Variants in TTC17 observed in about 807,000 individuals in gnomAD.
TTC17 encodes the protein tetratricopeptide repeat protein 17.
In TTC17, 58 loss-of-function variants were observed where a neutral mutation model predicts 143.8. The observed-to-expected ratio is 0.40, with a 90% confidence interval of 0.33 to 0.50. The LOEUF (loss-of-function observed/expected upper bound fraction) is 0.50, where lower values mean the gene tolerates loss of function less well. TTC17 is among the 20% of genes least tolerant of loss of function. TTC17 has a pLI of 0.49. For synonymous variants in TTC17, 501 were observed against 497.8 expected, an observed-to-expected ratio of 1.01 and a Z score of -0.09; for missense variants, 1,273 against 1,392.5, an observed-to-expected ratio of 0.91 and a Z score of 1.37.
chr11:43,452,871 T>C (rs10732498), intron 21 of TTC17, among the ~76,000 whole-genome samples: 149,483 of 152,170 alleles, frequency 0.98, 73,478 homozygotes, highest in East Asian at 1. Context: ...TGCAGTAAGC[T>C]ATGATCATGC....
At chr11:43,442,925 G>A (rs1947455567) in intron 16 of TTC17, among the ~76,000 whole-genome samples, 1 of 152,148 alleles carries the variant, frequency 6.6e-6, no homozygotes, top group African/African-American at 2.4e-5. Flanking sequence ...TGGACACACA[G>A]CTATGTCCAG....
At chr11:43,481,321 T>A (rs992382007) in intron 21 of TTC17, among the ~76,000 whole-genome samples, 2 of 152,198 alleles carry the variant, frequency 1.3e-5, no homozygotes, top group Non-Finnish European at 2.9e-5. Flanking sequence ...TTTGTACCTG[T>A]GTTTATGTTC....
chr11:43,415,490 G>A (rs763637887), intron 16 of TTC17, among the ~76,000 whole-genome samples: 1 of 152,152 alleles, frequency 6.6e-6, no homozygotes, highest in Non-Finnish European at 1.5e-5. Flanking sequence ...TTACATACGT[G>A]TGGATCCTCA....
intron 1 of TTC17, among the ~76,000 whole-genome samples, chr11:43,360,779 AG>A (rs1211265913): frequency 1.3e-5 from 2 of 151,676 alleles, no homozygotes; most frequent in African/African-American, 2.4e-5. Flanking sequence ...GGGGGAAGGC[AG>A]GGGTTACTGG....
intron 21 of TTC17, among the ~76,000 whole-genome samples, chr11:43,462,957 C>G (rs1947898936): frequency 9.0e-6 from 1 of 111,670 alleles, no homozygotes; most frequent in Admixed American, 1.0e-4. Flanking sequence ...ACTCTATTGC[C>G]CAGGCTGAAG....
intron 21 of TTC17, among the ~76,000 whole-genome samples, chr11:43,464,245 A>C (rs1472595835): frequency 6.6e-6 from 1 of 151,358 alleles, no homozygotes; most frequent in East Asian, 1.9e-4. Context: ...ATGCTGCTGC[A>C]CTCCAGCTTG....
chr11:43,458,868 TTC>T (rs949753950), intron 21 of TTC17, among the ~76,000 whole-genome samples: 55 of 152,286 alleles, frequency 3.6e-4, no homozygotes, highest in African/African-American at 1.3e-3. Flanking sequence ...ATTTTAATTG[TTC>T]TGTTTTATTA....
intron 11 of TTC17, among the ~76,000 whole-genome samples, 183 bp from the exon 12 acceptor site, chr11:43,405,331 A>G (rs1417269580): frequency 6.6e-6 from 1 of 152,156 alleles, no homozygotes; most frequent in African/African-American, 2.4e-5. Flanking sequence ...GTCTGTGGTA[A>G]AGCAGGTAGA....
At chr11:43,471,444 C>T (rs925811855) in intron 21 of TTC17, among the ~76,000 whole-genome samples, 1 of 152,194 alleles carries the variant, frequency 6.6e-6, no homozygotes, top group Non-Finnish European at 1.5e-5. Context: ...ACCCCCAGCC[C>T]GTCATCAATG....
chr11:43,387,394 A>G (rs1004521339), intron 2 of TTC17, among the ~76,000 whole-genome samples: 1 of 152,174 alleles, frequency 6.6e-6, no homozygotes, highest in African/African-American at 2.4e-5. Flanking sequence ...CTCACATTCC[A>G]TTGGCCAAAG....
intron 15 of TTC17, among the ~76,000 whole-genome samples, chr11:43,408,947 T>A (rs1751624132): frequency 1.3e-5 from 2 of 152,010 alleles, no homozygotes; most frequent in South Asian, 4.2e-4. Context: ...TTCACCATGT[T>A]GCCAAGGCTG....
chr11:43,390,663 GA>G (rs1241507620), intron 3 of TTC17, among the ~76,000 whole-genome samples: 1 of 146,674 alleles, frequency 6.8e-6, no homozygotes, highest in Non-Finnish European at 1.5e-5. Context: ...AAATAAAAAT[GA>G]AAAATAAAAA....
At chr11:43,432,135 A>G (rs755454466) in intron 16 of TTC17, among the ~76,000 whole-genome samples, 1 of 152,240 alleles carries the variant, frequency 6.6e-6, no homozygotes, top group Non-Finnish European at 1.5e-5. Context: ...AACAATTAAG[A>G]TGAGAAGATA....
Position 43,494,354 on chromosome 11 carries a change from C to T in TTC17, c.*450C>T, listed in dbSNP as rs1414822437. On this transcript the variant is annotated 3_prime_UTR_variant, in exon 24 of 24. Transcript: ENST00000039989. ...CCATCTGGTGCCCGTCAGTGAGAAG[C>T]AACGTTCTGCGCTCTCTCCGTTAGA... 1 of 159,106 alleles carries T rather than the reference C, an allele frequency of 6.3e-6. No homozygotes were observed. Among genetic ancestry groups the T allele is most frequent in the Non-Finnish European group, 1.4e-5 (1 of 71,726 alleles). The allele number at this position is 159,106 out of a possible 1,614,324, so 9.9% of individuals were successfully genotyped here.
chr11:43,481,383 G>T (rs1413226704), intron 21 of TTC17, among the ~76,000 whole-genome samples: 1 of 152,082 alleles, frequency 6.6e-6, no homozygotes, highest in East Asian at 1.9e-4. Flanking sequence ...TGAAGTTTTG[G>T]TATCAGGATA....
At chr11:43,483,190 T>A (rs954321719) in intron 21 of TTC17, among the ~76,000 whole-genome samples, 3 of 151,850 alleles carry the variant, frequency 2.0e-5, no homozygotes, top group Admixed American at 6.6e-5. Flanking sequence ...AGTAAGTTTT[T>A]AAAAAATCTT....
intron 6 of TTC17, 132 bp downstream of exon 6, chr11:43,396,950 C>G (rs1565143988): frequency 4.2e-6 from 2 of 473,224 alleles, no homozygotes; most frequent in Non-Finnish European, 7.2e-6. Flanking sequence ...AGAAATAAGT[C>G]CCACCACAAA....
At chr11:43,440,005 G>A (rs1460897195) in intron 16 of TTC17, among the ~76,000 whole-genome samples, 3 of 152,130 alleles carry the variant, frequency 2.0e-5, no homozygotes, top group Non-Finnish European at 2.9e-5. Flanking sequence ...GAAAAAATAG[G>A]CTCTGTTTTC....
At chr11:43,431,654 A>G (rs1336199928) in intron 16 of TTC17, among the ~76,000 whole-genome samples, 1 of 152,220 alleles carries the variant, frequency 6.6e-6, no homozygotes, top group Non-Finnish European at 1.5e-5. Flanking sequence ...GTGCTACGCA[A>G]TGGTCTAGCT....
Sources: allele counts gnomAD v4.1 joint callset (sites outside exome capture counted in the v4.1 genomes callset), GRCh38; gene constraint gnomAD v4.1.1; transcripts MANE v1.5; gene names NCBI Gene and HGNC (gene_info 2026-07-23, HGNC 2026-07-21).